PLCB4: variants seen among roughly 807,000 people sequenced by gnomAD.
PLCB4 encodes 1-phosphatidylinositol 4,5-bisphosphate phosphodiesterase beta-4.
A neutral mutation model predicts 178.8 loss-of-function variants in PLCB4; 77 were observed. The ratio of observed to expected loss-of-function variants is 0.43; its 90% CI spans 0.36 to 0.52. The LOEUF is 0.52. Ranked by LOEUF, PLCB4 falls within the 20% of genes least tolerant of loss-of-function variation. The pLI, the probability that PLCB4 is intolerant of heterozygous loss-of-function variation, is 0.00. For synonymous variants in PLCB4, 496 were observed against 490.8 expected, an observed-to-expected ratio of 1.01 and a Z score of -0.14; for missense variants, 1,024 against 1,453.4, an observed-to-expected ratio of 0.70 and a Z score of 4.80.
chr20:9,223,456 C>T (rs2093824198), intron 3 of PLCB4, among the ~76,000 whole-genome samples: 1 of 152,192 alleles, frequency 6.6e-6, no homozygotes, highest in African/African-American at 2.4e-5. Flanking sequence ...TAGGGAAGGG[C>T]CCGGCTGTGC....
At chr20:9,372,702 A>G (rs1403404865) in intron 11 of PLCB4, among the ~76,000 whole-genome samples, 1 of 152,192 alleles carries the variant, frequency 6.6e-6, no homozygotes, top group East Asian at 1.9e-4. Flanking sequence ...ACTAGATTCA[A>G]TTTGGAATGT....
chr20:9,372,374 G>A lies in PLCB4; in HGVS notation c.657G>A (p.Arg219=). The A allele has an allele frequency of 6.3e-7, 1 of 1,589,876 alleles. No homozygotes were observed. The highest frequency in any genetic ancestry group is 1.1e-5 in the South Asian group (1 of 89,704). Residue 219 remains arginine (R), a synonymous_variant, in exon 11 of 40, where the codon CGG becomes CGA. Coordinates refer to ENST00000378473, the MANE Select transcript of PLCB4 (RefSeq NM_001377142.1). ...FYELTQKICP[R]TDIEDLFKKI... ...AACTGACACAAAAGATTTGTCCTCGGACAGATATAGAAGATCTTTTCAAAA... is the reference window on the plus strand; with the variant it reads ...AACTGACACAAAAGATTTGTCCTCGAACAGATATAGAAGATCTTTTCAAAA...
At chr20:9,276,827 A>G (rs2094454345) in intron 3 of PLCB4, among the ~76,000 whole-genome samples, 1 of 152,028 alleles carries the variant, frequency 6.6e-6, no homozygotes, top group Admixed American at 6.6e-5. Flanking sequence ...CTGCAGTTTC[A>G]TACTTGGGAG....
At chr20:9,379,355 A>G (rs563599131) in intron 12 of PLCB4, among the ~76,000 whole-genome samples, 1 of 152,266 alleles carries the variant, frequency 6.6e-6, no homozygotes, top group East Asian at 1.9e-4. Flanking sequence ...CAATTTGAAA[A>G]CAATAATGTC....
At chr20:9,309,007 G>A (rs2147878041) in intron 4 of PLCB4, among the ~76,000 whole-genome samples, 1 of 151,978 alleles carries the variant, frequency 6.6e-6, no homozygotes, top group Admixed American at 6.6e-5. Flanking sequence ...TTTCATATTT[G>A]TTTTTCTTTT....
chr20:9,239,859 C>T (rs763328572), intron 3 of PLCB4, among the ~76,000 whole-genome samples: 7 of 152,152 alleles, frequency 4.6e-5, no homozygotes, highest in Non-Finnish European at 7.4e-5. Flanking sequence ...GTCCAAGAGT[C>T]CAAAAGCTGA....
At chr20:9,267,618 A>G (rs1365138368) in intron 3 of PLCB4, among the ~76,000 whole-genome samples, 1 of 152,126 alleles carries the variant, frequency 6.6e-6, no homozygotes, top group African/African-American at 2.4e-5. Flanking sequence ...AAATCTCATG[A>G]AAGCTGAAGA....
intron 2 of PLCB4, among the ~76,000 whole-genome samples, chr20:9,189,776 A>AGGT (rs2093376813): frequency 6.6e-6 from 1 of 152,160 alleles, no homozygotes; most frequent in African/African-American, 2.4e-5. Flanking sequence ...ATATGGCAGA[A>AGGT]GGTAGAAGGG....
At chr20:9,385,510 G>A (rs558972505) in intron 14 of PLCB4, among the ~76,000 whole-genome samples, 93 of 149,170 alleles carry the variant, frequency 6.2e-4, no homozygotes, top group Admixed American at 8.0e-4. Flanking sequence ...CAGTCGTGGC[G>A]GCTGGGCAAA....
chr20:9,240,230 C>G (rs1328139499), intron 3 of PLCB4, among the ~76,000 whole-genome samples: 2 of 152,058 alleles, frequency 1.3e-5, no homozygotes, highest in Non-Finnish European at 2.9e-5. Context: ...AGGAGTAGCC[C>G]TCTGGAATGA....
chr20:9,290,680 C>G (rs1404601594), intron 3 of PLCB4, among the ~76,000 whole-genome samples: 1 of 152,154 alleles, frequency 6.6e-6, no homozygotes, highest in Non-Finnish European at 1.5e-5. Context: ...AGTTACTCTT[C>G]AAGACACAAT....
At chr20:9,158,351 C>T (rs1401683345) in intron 2 of PLCB4, among the ~76,000 whole-genome samples, 2 of 151,918 alleles carry the variant, frequency 1.3e-5, no homozygotes, top group East Asian at 1.9e-4. Context: ...CTGTAGCCTC[C>T]ACCTTCCGGG....
intron 1 of PLCB4, among the ~76,000 whole-genome samples, chr20:9,072,966 T>C (rs749699598): frequency 1.3e-5 from 2 of 152,224 alleles, no homozygotes; most frequent in Non-Finnish European, 2.9e-5. Context: ...TCAATGAGAA[T>C]GTCACACACC....
At chr20:9,212,424 T>A (rs1450580409) in intron 2 of PLCB4, among the ~76,000 whole-genome samples, 2 of 152,234 alleles carry the variant, frequency 1.3e-5, no homozygotes, top group Non-Finnish European at 2.9e-5. Flanking sequence ...CATGCTAGTC[T>A]TTTTGTGTTC....
At chr20:9,206,025 A>G (rs566060755) in intron 2 of PLCB4, among the ~76,000 whole-genome samples, 1 of 152,318 alleles carries the variant, frequency 6.6e-6, no homozygotes, top group African/African-American at 2.4e-5. Context: ...AAAATTACAT[A>G]TGTAATTTGC....
At chr20:9,477,600 T>C (rs2044633710) in intron 39 of PLCB4, among the ~76,000 whole-genome samples, 1 of 152,210 alleles carries the variant, frequency 6.6e-6, no homozygotes, top group Non-Finnish European at 1.5e-5. Flanking sequence ...CATAGTTTCA[T>C]GTTTGTATAT....
At chr20:9,159,684 A>G (rs1280680584) in intron 2 of PLCB4, among the ~76,000 whole-genome samples, 1 of 152,206 alleles carries the variant, frequency 6.6e-6, no homozygotes. Flanking sequence ...CGTTAGCAGT[A>G]GCTCCTCTAT....
intron 4 of PLCB4, among the ~76,000 whole-genome samples, chr20:9,315,165 C>T (rs185633438): frequency 5.2e-4 from 79 of 152,146 alleles, no homozygotes; most frequent in Middle Eastern, 6.8e-3. Flanking sequence ...GGGGTAAGAT[C>T]GTAAATGTGT....
At chr20:9,452,096 CCTT>C (rs147663133) in intron 32 of PLCB4, among the ~76,000 whole-genome samples, 3,175 of 152,298 alleles carry the variant, frequency 0.021, 102 homozygotes, top group African/African-American at 0.071. Flanking sequence ...CTTCTCCACT[CCTT>C]CTCCTAAAGA....
Sources: allele counts gnomAD v4.1 joint callset (sites outside exome capture counted in the v4.1 genomes callset), GRCh38; gene constraint gnomAD v4.1.1; transcripts MANE v1.5; gene names NCBI Gene and HGNC (gene_info 2026-07-23, HGNC 2026-07-21).